SNX25: variants seen among roughly 807,000 people sequenced by gnomAD.
SNX25 encodes sorting nexin-25.
A neutral mutation model predicts 113.7 loss-of-function variants in SNX25; 62 were observed. The observed-to-expected ratio is 0.55, with a 90% CI of 0.44 to 0.67. The LOEUF (loss-of-function observed/expected upper bound fraction) is 0.67. SNX25 is among the 30% of genes least tolerant of loss of function. The pLI is 0.00. For synonymous variants in SNX25, 421 were observed against 436.2 expected (o/e 0.97, Z 0.43); for missense variants, 1,014 against 1,161.0 (o/e 0.87, Z 1.84).
intron 13 of SNX25, among the ~76,000 whole-genome samples, chr4:185,349,924 G>C (rs1408757170): frequency 1.3e-5 from 2 of 152,224 alleles, no homozygotes; most frequent in Non-Finnish European, 2.9e-5. Flanking sequence ...ACATCAAGAT[G>C]GGGGAGAACA....
chr4:185,355,180 G>A (rs1232647992), intron 15 of SNX25, among the ~76,000 whole-genome samples: 1 of 152,226 alleles, frequency 6.6e-6, no homozygotes, highest in Non-Finnish European at 1.5e-5. Context: ...CATGGTAGGG[G>A]ATCAGTAAAA....
At chr4:185,344,269 G>A (rs966557921) in intron 12 of SNX25, among the ~76,000 whole-genome samples, 14 of 152,110 alleles carry the variant, frequency 9.2e-5, no homozygotes, top group Non-Finnish European at 1.8e-4. Context: ...AGGGAACCCA[G>A]GGGATTTTAA....
At chr4:185,307,375 G>T (rs1319633809) in intron 6 of SNX25, among the ~76,000 whole-genome samples, 4 of 152,182 alleles carry the variant, frequency 2.6e-5, no homozygotes, top group Non-Finnish European at 5.9e-5. Flanking sequence ...CAGAGAGTGT[G>T]CTCTCACCTG....
At chr4:185,370,752 G>A (rs111547365), downstream of SNX25, 39 of 1,614,094 alleles carry the variant, frequency 2.4e-5, no homozygotes, top group East Asian at 4.5e-5. Context: ...GATGAACTCC[G>A]GGAGACAGTC....
intron 5 of SNX25, among the ~76,000 whole-genome samples, chr4:185,279,882 GTTGTTGTT>G (rs1254437525): frequency 6.6e-6 from 1 of 151,932 alleles, no homozygotes; most frequent in Admixed American, 6.6e-5. Context: ...AGTTTTTGTT[GTTGTTGTT>G]TTGTTGTTTT....
At chr4:185,375,774 G>T in the SNX25 span, 1 of 1,316,188 alleles carries the variant, frequency 7.6e-7, no homozygotes. Context: ...TGATCTTAAA[G>T]TAATCCCAAA....
At chr4:185,250,209 A>T (rs1287175636) in intron 2 of SNX25, among the ~76,000 whole-genome samples, 1 of 152,252 alleles carries the variant, frequency 6.6e-6, no homozygotes, top group Non-Finnish European at 1.5e-5. Flanking sequence ...GTCCGAGGAC[A>T]TAGACTTAAC....
chr4:185,323,824 T>C, intron 9 of SNX25, 24 bp downstream of exon 9: 1 of 1,606,636 alleles, frequency 6.2e-7, no homozygotes, highest in Non-Finnish European at 8.5e-7. Flanking sequence ...AACTTTCTGC[T>C]CCTTTTTATT....
intron 13 of SNX25, among the ~76,000 whole-genome samples, chr4:185,350,075 G>A (rs2095307734): frequency 6.6e-6 from 1 of 152,238 alleles, no homozygotes; most frequent in African/African-American, 2.4e-5. Context: ...CCTTCTCAAT[G>A]GCCATGGCAG....
chr4:185,235,071 T>C (rs1742414459), intron 1 of SNX25, among the ~76,000 whole-genome samples: 1 of 152,250 alleles, frequency 6.6e-6, no homozygotes, highest in African/African-American at 2.4e-5. Context: ...AATGGTTTCA[T>C]ATCCCTTCAT....
At chr4:185,354,041 C>CA (rs138207766) in intron 15 of SNX25, among the ~76,000 whole-genome samples, 2,818 of 84,288 alleles carry the variant, frequency 0.033, 83 homozygotes, top group African/African-American at 0.1. Context: ...GACTCCGTCT[C>CA]AAAAAAAAAA....
chr4:185,270,399 A>C lies in SNX25; in HGVS notation c.1091+3244A>C, dbSNP rs543353636. Among the ~76,000 whole-genome samples the C allele has an allele frequency of 5.9e-5, 9 of 152,318 alleles. No homozygotes were observed. The South Asian group carries it at 1.9e-3, about 32-fold the overall frequency. Reference sequence around the variant, plus strand: ...CTTTCTCAAAGATCGCTTCCTCTTGACGTCATAAATAGGGCAAGATTAAAG... The same window carrying C: ...CTTTCTCAAAGATCGCTTCCTCTTGCCGTCATAAATAGGGCAAGATTAAAG... On this transcript the variant is annotated intron_variant, in intron 5 of 18. Transcript: ENST00000652585.
chr4:185,375,661 G>A, the SNX25 span: 1 of 1,611,946 alleles, frequency 6.2e-7, no homozygotes, highest in South Asian at 1.1e-5. Flanking sequence ...CTCCTAGCTG[G>A]TAAGTTGCTT....
At chr4:185,325,228 A>G (rs1306305215) in intron 9 of SNX25, among the ~76,000 whole-genome samples, 13 of 152,176 alleles carry the variant, frequency 8.5e-5, no homozygotes, top group Non-Finnish European at 4.4e-5. Context: ...ATTTTCTGTT[A>G]GTAACCATTA....
At chr4:185,336,328 A>G (rs1341008897) in intron 10 of SNX25, among the ~76,000 whole-genome samples, 1 of 152,018 alleles carries the variant, frequency 6.6e-6, no homozygotes, top group Non-Finnish European at 1.5e-5. Context: ...TCCCCCGCCA[A>G]CCCTTTCCCA....
At chr4:185,376,546 G>A in the SNX25 span, among the ~76,000 whole-genome samples, 60 of 150,170 alleles carry the variant, frequency 4.0e-4, no homozygotes, top group Middle Eastern at 3.5e-3. Context: ...CACCTGCCTC[G>A]GCCTCCCGAA....
intron 1 of SNX25, among the ~76,000 whole-genome samples, chr4:185,239,780 T>C (rs1743368206): frequency 1.3e-5 from 2 of 149,802 alleles, no homozygotes; most frequent in African/African-American, 4.9e-5. Flanking sequence ...TTTTCTTTTT[T>C]TTTTTTTTTA....
chr4:185,282,014 T>C (rs574074218), intron 5 of SNX25, among the ~76,000 whole-genome samples: 9 of 152,280 alleles, frequency 5.9e-5, no homozygotes, highest in Non-Finnish European at 1.2e-4. Flanking sequence ...AGACTCCATC[T>C]CAAAATAAAT....
intron 9 of SNX25, among the ~76,000 whole-genome samples, chr4:185,324,721 G>A (rs2095144134): frequency 6.6e-6 from 1 of 152,116 alleles, no homozygotes; most frequent in Non-Finnish European, 1.5e-5. Context: ...GATTTAGGTG[G>A]TTTTTGATCA....
Sources: gnomAD v4.1 joint callset for allele counts (sites outside exome capture counted in the v4.1 genomes callset) on GRCh38, gnomAD v4.1.1 for gene constraint, MANE v1.5 for transcripts, NCBI Gene and HGNC (gene_info 2026-07-23, HGNC 2026-07-21) for gene names.